Variants in ZNF701 observed in about 807,000 individuals in gnomAD.
ZNF701 encodes the protein zinc finger protein 701.
Under a neutral mutation model 7.1 loss-of-function variants are expected in ZNF701, and 6 were observed. The observed-to-expected ratio is 0.84, with a 90% CI of 0.46 to 1.66. ZNF701 has a LOEUF of 1.66. Among genes scored for constraint, ZNF701 ranks in the 40% most tolerant of loss-of-function variants. ZNF701 has a pLI of 0.01. For missense variants in ZNF701, 541 were observed against 559.2 expected, an observed-to-expected ratio of 0.97 and a Z score of 0.33; for synonymous variants, 166 against 188.2, an observed-to-expected ratio of 0.88 and a Z score of 0.97.
At chr19:52,574,342 A>G (rs1043364722) in intron 2 of ZNF701, among the ~76,000 whole-genome samples, 180 bp downstream of exon 2, 1 of 152,076 alleles carries the variant, frequency 6.6e-6, no homozygotes, top group Non-Finnish European at 1.5e-5. Flanking sequence ...ACTGAGTGAC[A>G]TGAACTTGGG....
chr19:52,579,496 G>C (rs1426307782), intron 3 of ZNF701, among the ~76,000 whole-genome samples: 1 of 129,802 alleles, frequency 7.7e-6, no homozygotes, highest in East Asian at 2.1e-4. Context: ...CTCCAGCCTG[G>C]GCAACGAGAG....
chr19:52,575,840 G>A, intron 2 of ZNF701, 55 bp from the exon 3 acceptor site: 1 of 1,172,796 alleles, frequency 8.5e-7, no homozygotes, highest in South Asian at 1.5e-5. Context: ...CTCATTTTCT[G>A]TAAAGATAAG....
chr19:52,574,387 T>C (rs1397417077), intron 2 of ZNF701, among the ~76,000 whole-genome samples: 1 of 152,028 alleles, frequency 6.6e-6, no homozygotes, highest in African/African-American at 2.4e-5. Context: ...TGGGAAGGGC[T>C]CACACCCAGA....
At chr19:52,572,416 A>G in intron 1 of ZNF701, 1 of 1,278,688 alleles carries the variant, frequency 7.8e-7, no homozygotes, top group Non-Finnish European at 1.0e-6. Flanking sequence ...ATGTTACTGT[A>G]ATTTTCTTGT....
Position 52,575,912 on chromosome 19 carries a change from G to A in ZNF701, c.33G>A (p.Arg11=). The change falls in exon 3 of 4, where the codon AGG becomes AGA. Residue 11 remains arginine (R), a synonymous_variant. Transcript: ENST00000391785. Reference sequence around the variant, plus strand: ...CCTTTCAGGGTCTACTGACATTCAGGGATGTGGCCATAGAATTCTCTCAGG... The same window carrying A: ...CCTTTCAGGGTCTACTGACATTCAGAGATGTGGCCATAGAATTCTCTCAGG... MALLQGLLTF[R]DVAIEFSQEE... 5.2e-6 allele frequency: 8 copies of A among 1,535,630 alleles called. No homozygotes were observed. The highest frequency in any genetic ancestry group is 7.0e-6 in the Non-Finnish European group (8 of 1,137,586).
intron 2 of ZNF701, among the ~76,000 whole-genome samples, chr19:52,575,284 T>G (rs2059926657): frequency 6.6e-6 from 1 of 152,120 alleles, no homozygotes; most frequent in Non-Finnish European, 1.5e-5. Flanking sequence ...TTTGTATTTT[T>G]AAAACCTTTA....
chr19:52,592,210 A>G, the ZNF701 span: 3 of 1,577,730 alleles, frequency 1.9e-6, no homozygotes, highest in Non-Finnish European at 1.7e-6. Context: ...GGAGAACTAC[A>G]GGAACCTGGA....
the ZNF701 span, chr19:52,594,452 T>C: frequency 0.44 from 66,537 of 152,206 alleles, 14,594 homozygotes; most frequent in Middle Eastern, 0.48. Flanking sequence ...TCAGCCTCCA[T>C]CCAGGTGTTG....
At chr19:52,592,428 A>G in the ZNF701 span, among the ~76,000 whole-genome samples, 3 of 152,224 alleles carry the variant, frequency 2.0e-5, no homozygotes, top group African/African-American at 7.2e-5. Context: ...ATAAAACCAG[A>G]AAATTCATGA....
At chr19:52,571,642 G>A (rs988570971) in intron 1 of ZNF701, among the ~76,000 whole-genome samples, 2 of 152,056 alleles carry the variant, frequency 1.3e-5, no homozygotes, top group African/African-American at 2.4e-5. Context: ...TTACAGGCGT[G>A]AGCCACCGCA....
downstream of ZNF701, among the ~76,000 whole-genome samples, chr19:52,591,080 C>T (rs528229197): frequency 5.7e-4 from 87 of 152,118 alleles, no homozygotes; most frequent in Non-Finnish European, 1.1e-3. Context: ...CCTCCTGATC[C>T]ACCCATCTCG....
Position 52,575,983 on chromosome 19 carries a change from A to G in ZNF701, c.104A>G (p.Asp35Gly). ...LDPAQRTLYR[D>G]VMLENYRNLV... The stretch of plus-strand genomic sequence containing the variant: ...CCTGCTCAGAGGACTCTATACAGAG[A>G]CGTGATGCTGGAGAATTATAGGAAC... The change falls in exon 3 of 4, where the codon GAC becomes GGC. Residue 35 changes from aspartate to glycine, a missense_variant. Asp to Gly is a moderately conservative substitution (Grantham distance 94). Coordinates refer to ENST00000391785, the MANE Select transcript of ZNF701 (RefSeq NM_018260.3). 1 of 1,588,300 alleles carries G rather than the reference A, an allele frequency of 6.3e-7. No homozygotes were observed. The highest frequency in any genetic ancestry group is 1.4e-5 in the African/African-American group (1 of 72,726).
At chr19:52,571,952 T>C (rs892836875) in intron 1 of ZNF701, among the ~76,000 whole-genome samples, 5 of 152,132 alleles carry the variant, frequency 3.3e-5, no homozygotes, top group Admixed American at 3.3e-4. Context: ...GCCTCCCTAG[T>C]AGCTGGGATT....
chr19:52,577,923 G>A (rs568228987), intron 3 of ZNF701, among the ~76,000 whole-genome samples: 7 of 152,154 alleles, frequency 4.6e-5, no homozygotes, highest in East Asian at 1.9e-4. Flanking sequence ...AGTAGATAGC[G>A]GTAGAAGGAA....
intron 2 of ZNF701, among the ~76,000 whole-genome samples, chr19:52,574,826 T>G (rs1398402645): frequency 6.6e-6 from 1 of 152,184 alleles, no homozygotes; most frequent in Non-Finnish European, 1.5e-5. Context: ...TGGAGAGGCT[T>G]TTGAAACAGG....
At chr19:52,592,364 C>G in the ZNF701 span, 2 of 984,386 alleles carry the variant, frequency 2.0e-6, no homozygotes, top group African/African-American at 3.3e-5. Flanking sequence ...CAGTGATGAC[C>G]CTCATATTTG....
In ZNF701 at chr19:52,586,153, C is replaced by G. The variant is rs1416523670; in HGVS notation, c.*2696C>G. 1 of 152,270 alleles carries G rather than the reference C, an allele frequency of 6.6e-6. No individual in the cohort carries two copies. Among genetic ancestry groups the G allele is most frequent in the Non-Finnish European group, 1.5e-5 (1 of 68,282 alleles). The allele number at this position is 152,270 out of a possible 1,614,324, so 9.4% of individuals were successfully genotyped here. A position where few individuals can be genotyped will look rare whatever the true frequency, so the allele number is the denominator to read the frequency against. On this transcript the variant is annotated 3_prime_UTR_variant, in exon 4 of 4. Transcript: ENST00000391785. ...ACCTCCTGGGCTCAAGGGATCCTCC[C>G]ACCTCAGCCTGCAGAGTAGCTGGGA... is the stretch of plus-strand genomic sequence containing the variant.
chr19:52,592,080 T>C (rs2060039228), downstream of ZNF701: 3 of 892,984 alleles, frequency 3.4e-6, no homozygotes, highest in Non-Finnish European at 5.4e-6. Context: ...AATGTTTTGT[T>C]GAAATCTGTC....
chr19:52,574,396 G>C (rs1435782902), intron 2 of ZNF701, among the ~76,000 whole-genome samples: 1 of 152,180 alleles, frequency 6.6e-6, no homozygotes, highest in Non-Finnish European at 1.5e-5. Context: ...CTCACACCCA[G>C]ACATGTATGG....
Sources: gnomAD v4.1 joint callset for allele counts (sites outside exome capture counted in the v4.1 genomes callset) on GRCh38, gnomAD v4.1.1 for gene constraint, MANE v1.5 for transcripts, NCBI Gene and HGNC (gene_info 2026-07-23, HGNC 2026-07-21) for gene names.